The following DGKB variants were observed in gnomAD, a reference collection of about 807,000 sequenced individuals.
DGKB encodes 90 kDa diacylglycerol kinase.
Under a neutral mutation model 114.3 loss-of-function variants are expected in DGKB, and 67 were observed. That is an observed-to-expected ratio of 0.59 (90% CI 0.48 to 0.72). The LOEUF (loss-of-function observed/expected upper bound fraction) is 0.72, where lower values mean the gene tolerates loss of function less well. Ranked by LOEUF, DGKB falls within the 30% of genes least tolerant of loss-of-function variation. DGKB has a pLI of 0.00. For missense variants in DGKB, 907 were observed against 975.2 expected, an observed-to-expected ratio of 0.93 and a Z score of 0.93; for synonymous variants, 398 against 323.1, an observed-to-expected ratio of 1.23 and a Z score of -2.49.
chr7:14,352,469 T>G (rs1813652775), intron 21 of DGKB, among the ~76,000 whole-genome samples: 1 of 150,850 alleles, frequency 6.6e-6, no homozygotes, highest in South Asian at 2.1e-4. Flanking sequence ...ATGGAAAAAG[T>G]ATATAAGCAG....
chr7:14,876,200 C>A (rs1285514596), intron 1 of DGKB, among the ~76,000 whole-genome samples: 1 of 152,022 alleles, frequency 6.6e-6, no homozygotes, highest in Non-Finnish European at 1.5e-5. Context: ...CTGCCTTTTT[C>A]TATGGCAGTG....
chr7:14,209,455 A>G (rs938307096), intron 23 of DGKB: 16 of 474,770 alleles, frequency 3.4e-5, no homozygotes, highest in African/African-American at 2.0e-4. Context: ...ACACAAGGCT[A>G]TTCTCTGGAG....
intron 21 of DGKB, among the ~76,000 whole-genome samples, chr7:14,349,271 T>C (rs1424779468): frequency 6.6e-6 from 1 of 152,098 alleles, no homozygotes; most frequent in African/African-American, 2.4e-5. Flanking sequence ...TATCTCTGAA[T>C]GCATAGACGA....
chr7:14,341,854 A>T (rs532720306), intron 22 of DGKB, among the ~76,000 whole-genome samples: 2 of 152,026 alleles, frequency 1.3e-5, no homozygotes, highest in South Asian at 4.1e-4. Context: ...AGAACTTTGG[A>T]GAGCTCTAAG....
intron 1 of DGKB, among the ~76,000 whole-genome samples, chr7:14,854,953 T>G (rs1849909843): frequency 6.6e-6 from 1 of 152,124 alleles, no homozygotes; most frequent in African/African-American, 2.4e-5. Flanking sequence ...CTGGAATAAT[T>G]GCATGATGAG....
rs1781700977 is a variant in DGKB, at chr7:14,148,317, T to G, written c.*814A>C. On this transcript the variant is annotated 3_prime_UTR_variant, in exon 26 of 26. Transcript: ENST00000402815. ...TTTCTCTCAAGCATTGTTTTCTGAA[T>G]CTTTGGTGGGAAACACATTGATTAG... 1 of 152,480 alleles carries G rather than the reference T, an allele frequency of 6.6e-6. No homozygotes were observed. The highest frequency in any genetic ancestry group is 1.9e-4 in the East Asian group (1 of 5,190). 9.4% of individuals were successfully genotyped at this position (152,480 alleles called of 1,614,324 possible). A position where few individuals can be genotyped will look rare whatever the true frequency, so the allele number is the denominator to read the frequency against.
At chr7:14,386,682 C>T (rs1820394462) in intron 21 of DGKB, among the ~76,000 whole-genome samples, 1 of 152,204 alleles carries the variant, frequency 6.6e-6, no homozygotes, top group Non-Finnish European at 1.5e-5. Context: ...CTGTAGATAA[C>T]TGTCCCTCTG....
chr7:14,502,121 G>A (rs1222545740), intron 20 of DGKB, among the ~76,000 whole-genome samples: 1 of 151,826 alleles, frequency 6.6e-6, no homozygotes, highest in African/African-American at 2.4e-5. Flanking sequence ...TCTTGGATGT[G>A]GGCTTGACTA....
At chr7:14,731,361 G>A (rs911598226) in intron 5 of DGKB, among the ~76,000 whole-genome samples, 1 of 152,016 alleles carries the variant, frequency 6.6e-6, no homozygotes, top group Admixed American at 6.6e-5. Flanking sequence ...ATTGAGGTAC[G>A]TTATGTCTGA....
At chr7:14,286,482 C>A (rs1800895362) in intron 23 of DGKB, among the ~76,000 whole-genome samples, 1 of 152,082 alleles carries the variant, frequency 6.6e-6, no homozygotes, top group Non-Finnish European at 1.5e-5. Flanking sequence ...ATGTTAGAAT[C>A]TCTTATGGTT....
intron 5 of DGKB, among the ~76,000 whole-genome samples, chr7:14,730,374 C>A (rs1830729506): frequency 6.6e-6 from 1 of 152,266 alleles, no homozygotes; most frequent in East Asian, 1.9e-4. Flanking sequence ...CCCAGTTGCA[C>A]ACTCCAGGTG....
chr7:14,332,584 C>T (rs1420739574), intron 23 of DGKB, among the ~76,000 whole-genome samples: 1 of 152,134 alleles, frequency 6.6e-6, no homozygotes, highest in Non-Finnish European at 1.5e-5. Flanking sequence ...TCTATTTTTA[C>T]TTGAATTAAT....
At chr7:14,416,962 C>A (rs1170108845) in intron 21 of DGKB, among the ~76,000 whole-genome samples, 1 of 152,058 alleles carries the variant, frequency 6.6e-6, no homozygotes, top group South Asian at 2.1e-4. Flanking sequence ...ACTGACCGGG[C>A]AATTTCTTCC....
chr7:14,623,096 A>G (rs1039313253), intron 14 of DGKB, among the ~76,000 whole-genome samples: 4 of 152,230 alleles, frequency 2.6e-5, no homozygotes, highest in Admixed American at 2.6e-4. Flanking sequence ...AGTGACTAAC[A>G]AAAGTCAGGA....
At chr7:14,441,985 C>G (rs755664628) in intron 21 of DGKB, among the ~76,000 whole-genome samples, 1 of 151,936 alleles carries the variant, frequency 6.6e-6, no homozygotes, top group Non-Finnish European at 1.5e-5. Flanking sequence ...AATTTTACAT[C>G]TATGCTAGTA....
Position 14,571,000 on chromosome 7 carries a change from C to T in DGKB, c.1770+3212G>A, listed in dbSNP as rs115898727. Among the ~76,000 whole-genome samples the T allele has an allele frequency of 7.0e-3, 1,065 of 152,178 alleles. 14 individuals are homozygous for T. The highest frequency in any genetic ancestry group is 0.025 in the African/African-American group (1,021 of 41,530). ...TTGAGGTGTTGTCCCATGCAGTAAGCGTATTTAGCAGCATTCCTAACTTTA... is the reference window on the plus strand; with the variant it reads ...TTGAGGTGTTGTCCCATGCAGTAAGTGTATTTAGCAGCATTCCTAACTTTA... On this transcript the variant is annotated intron_variant, in intron 20 of 25. Coordinates refer to ENST00000402815, the MANE Select transcript of DGKB (RefSeq NM_001350709.2).
At chr7:14,779,087 G>C (rs1178811343) in intron 2 of DGKB, among the ~76,000 whole-genome samples, 1 of 152,018 alleles carries the variant, frequency 6.6e-6, no homozygotes, top group African/African-American at 2.4e-5. Context: ...ACATGGGAGG[G>C]AGAGGTTGCA....
At chr7:14,875,659 T>G (rs6957699) in intron 1 of DGKB, among the ~76,000 whole-genome samples, 138,463 of 151,980 alleles carry the variant, frequency 0.91, 63,536 homozygotes, top group Non-Finnish European at 0.96. Flanking sequence ...TGTTGAACAC[T>G]TTGCGTATTT....
At chr7:14,176,252 TG>T in intron 25 of DGKB, 12 of 822,368 alleles carry the variant, frequency 1.5e-5, no homozygotes, top group Non-Finnish European at 1.8e-5. Flanking sequence ...GTTCCTAGCA[TG>T]TTTTTGAAAT....
Sources: gnomAD v4.1 joint callset for allele counts (sites outside exome capture counted in the v4.1 genomes callset) on GRCh38, gnomAD v4.1.1 for gene constraint, MANE v1.5 for transcripts, NCBI Gene and HGNC (gene_info 2026-07-23, HGNC 2026-07-21) for gene names.